The following DOCK7 variants were observed in gnomAD, a reference collection of about 807,000 sequenced individuals.
DOCK7 encodes dedicator of cytokinesis 7, also known as dedicator of cytokinesis protein 7.
DOCK7 carries 138 observed loss-of-function variants against 271.0 expected under a neutral mutation model. The observed-to-expected ratio is 0.51, with a 90% CI of 0.44 to 0.59. The LOEUF is 0.59. DOCK7 is among the 20% of genes least tolerant of loss of function. DOCK7 has a pLI of 0.00. For synonymous variants in DOCK7, 823 were observed against 876.1 expected (o/e 0.94, Z 1.07); for missense variants, 2,066 against 2,592.4 (o/e 0.80, Z 4.41).
intron 14 of DOCK7, among the ~76,000 whole-genome samples, chr1:62,614,577 C>T (rs1334095507): frequency 1.3e-5 from 2 of 151,930 alleles, no homozygotes; most frequent in African/African-American, 4.8e-5. Flanking sequence ...ACCAATCTCT[C>T]TCAAGTTGTA....
At chr1:62,499,456 G>A (rs1646716713) in intron 37 of DOCK7, among the ~76,000 whole-genome samples, 1 of 152,166 alleles carries the variant, frequency 6.6e-6, no homozygotes, top group African/African-American at 2.4e-5. Context: ...AAAATGGGAG[G>A]TTGCCAACAC....
intron 11 of DOCK7, chr1:62,629,760 C>T (rs534330092): frequency 2.0e-5 from 3 of 152,238 alleles, no homozygotes; most frequent in African/African-American, 2.4e-5. Context: ...TTAAGCAACA[C>T]GTTGTATAAC....
chr1:62,680,424 C>G (rs972136372), intron 1 of DOCK7, among the ~76,000 whole-genome samples: 1 of 151,926 alleles, frequency 6.6e-6, no homozygotes, highest in East Asian at 1.9e-4. Flanking sequence ...AAACCTAAAA[C>G]CATAAAAACC....
chr1:62,620,384 G>C (rs1412947634), intron 12 of DOCK7, among the ~76,000 whole-genome samples: 1 of 151,624 alleles, frequency 6.6e-6, no homozygotes, highest in Non-Finnish European at 1.5e-5. Flanking sequence ...TAGTTTGTTA[G>C]TAAGCATGCC....
intron 48 of DOCK7, among the ~76,000 whole-genome samples, chr1:62,466,455 G>T (rs148653998): frequency 2.0e-5 from 3 of 152,320 alleles, no homozygotes; most frequent in Admixed American, 6.5e-5. Flanking sequence ...ACAACAAAAA[G>T]GTCTGGATGA....
intron 18 of DOCK7, among the ~76,000 whole-genome samples, chr1:62,562,745 T>C (rs2149446351): frequency 6.6e-6 from 1 of 152,228 alleles, no homozygotes; most frequent in East Asian, 1.9e-4. Context: ...GTTTTACTTT[T>C]GCCTCACATA....
At chr1:62,548,426 T>TTC (rs1557698990) in intron 22 of DOCK7, among the ~76,000 whole-genome samples, 1 of 149,538 alleles carries the variant, frequency 6.7e-6, no homozygotes, top group East Asian at 1.9e-4. Flanking sequence ...CTTAAGTCTT[T>TTC]TTTTTTTTTT....
At chr1:62,546,564 T>G (rs1180772175) in intron 22 of DOCK7, among the ~76,000 whole-genome samples, 1 of 152,112 alleles carries the variant, frequency 6.6e-6, no homozygotes, top group Non-Finnish European at 1.5e-5. Context: ...AGTGTCTCCC[T>G]TCACATGGTA....
chr1:62,609,397 T>G (rs929686092), intron 14 of DOCK7: 1 of 152,200 alleles, frequency 6.6e-6, no homozygotes, highest in Non-Finnish European at 1.5e-5. Flanking sequence ...ACCTTGAAGA[T>G]GTAAGGTTGT....
At chr1:62,457,046 T>C (rs929246114) in intron 49 of DOCK7, among the ~76,000 whole-genome samples, 1 of 152,204 alleles carries the variant, frequency 6.6e-6, no homozygotes, top group Non-Finnish European at 1.5e-5. Flanking sequence ...TGTAATGTCA[T>C]TTAATCTCCA....
chr1:62,504,025 C>A (rs529639132), intron 37 of DOCK7, among the ~76,000 whole-genome samples: 2 of 144,870 alleles, frequency 1.4e-5, no homozygotes, highest in African/African-American at 2.6e-5. Flanking sequence ...CCAGCCTGGG[C>A]GACTGAGTGA....
At chr1:62,659,868 T>C (rs529915744) in intron 2 of DOCK7, among the ~76,000 whole-genome samples, 42 of 152,310 alleles carry the variant, frequency 2.8e-4, no homozygotes, top group Non-Finnish European at 4.3e-4. Flanking sequence ...CTTAAATGTG[T>C]ATGTACTAAA....
chr1:62,574,449 G>C (rs978793134), intron 18 of DOCK7, among the ~76,000 whole-genome samples: 27 of 152,182 alleles, frequency 1.8e-4, no homozygotes, highest in Admixed American at 1.3e-4. Flanking sequence ...AAAAGTGAGG[G>C]GTATAGATTT....
rs562571714 is a variant in DOCK7 at position 62,492,453 on chromosome 1, G to A, written c.5361+251C>T. On this transcript the variant is annotated intron_variant, in intron 41 of 49. Transcript: ENST00000635253. The stretch of plus-strand genomic sequence containing the variant: ...ACAGGCATGAGCCACCATGCCTGGT[G>A]AATTTTTAATTTTTTGTAGAGACGG... 1.3e-4 allele frequency: 47 copies of A among 365,190 alleles called. No homozygotes were observed. In the East Asian group the frequency reaches 3.1e-3, roughly 24 times the overall value. The allele number at this position is 365,190 out of a possible 1,614,324, so 22.6% of individuals were successfully genotyped here.
At chr1:62,636,446 A>G in intron 8 of DOCK7, 91 bp downstream of exon 8, 1 of 926,350 alleles carries the variant, frequency 1.1e-6, no homozygotes, top group Non-Finnish European at 1.6e-6. Flanking sequence ...TATGTTTAAC[A>G]GTTCTCAAAA....
chr1:62,472,270 A>G (rs1191586282), intron 48 of DOCK7, among the ~76,000 whole-genome samples: 1 of 151,988 alleles, frequency 6.6e-6, no homozygotes, highest in Non-Finnish European at 1.5e-5. Flanking sequence ...ATGCTCGGCT[A>G]ATTTTTGTAT....
chr1:62,596,764 TAAGA>T (rs1649314955), intron 14 of DOCK7, among the ~76,000 whole-genome samples: 1 of 152,178 alleles, frequency 6.6e-6, no homozygotes, highest in Non-Finnish European at 1.5e-5. Context: ...TGAAGGTATT[TAAGA>T]TTCAATTCTA....
At position 62,475,815 on chromosome 1, in the gene DOCK7, G is replaced by A; in HGVS notation, c.5853C>T (p.Gly1951=). The change falls in exon 46 of 50, where the codon GGC becomes GGT. Residue 1951 remains glycine, a synonymous_variant. Coordinates refer to ENST00000635253, the MANE Select transcript of DOCK7 (RefSeq NM_001367561.1). ...FMYCTPFTLD[G]RAHGELHEQF... The stretch of plus-strand genomic sequence containing the variant: ...GTTCATGAAGTTCCCCATGGGCACG[G>A]CCATCTAAAGTAAAGGGTGTACAGT... The A allele has an allele frequency of 1.2e-6, 2 of 1,614,038 alleles. No homozygotes were observed. The highest frequency in any genetic ancestry group is 1.7e-6 in the Non-Finnish European group (2 of 1,179,920).
Position 62,489,030 on chromosome 1 carries a change from T to G in DOCK7, c.5397A>C (p.Lys1799Asn). 6.2e-7 allele frequency: 1 copy of G among 1,604,478 alleles called. No homozygotes were observed. The highest frequency in any genetic ancestry group is 8.5e-7 in the Non-Finnish European group (1 of 1,173,812). ...GMYEAVNEVY[K>N]VLIPIHEANR... ...TAGCTTCATGAATAGGAATAAGTACTTTGTAAACTTCATTAACTGCTTCAT... is the reference window on the plus strand; with the variant it reads ...TAGCTTCATGAATAGGAATAAGTACGTTGTAAACTTCATTAACTGCTTCAT... Residue 1799 changes from lysine (K) to asparagine (N), a missense_variant, in exon 42 of 50, where the codon AAA (lysine) becomes AAC (asparagine). This residue lies in a region of DOCK7 where 652 missense variants were observed against 922.1 expected (regional missense o/e 0.71). Transcript: ENST00000635253.
Sources: gnomAD v4.1 joint callset for allele counts (sites outside exome capture counted in the v4.1 genomes callset) on GRCh38, gnomAD v4.1.1 for gene constraint, gnomAD v4.1.1 regional missense constraint, MANE v1.5 for transcripts, NCBI Gene and HGNC (gene_info 2026-07-23, HGNC 2026-07-21) for gene names.